The following AGBL4 variants were observed in gnomAD, a reference collection of about 807,000 sequenced individuals.
AGBL4 encodes the protein cytosolic carboxypeptidase 6.
A neutral mutation model predicts 66.4 loss-of-function variants in AGBL4; 58 were observed. The observed-to-expected ratio is 0.87, with a 90% CI of 0.71 to 1.09. The LOEUF (loss-of-function observed/expected upper bound fraction) is 1.09, where lower values mean the gene tolerates loss of function less well. Among genes scored for constraint, AGBL4 ranks in the 50% least tolerant of loss-of-function variants. The probability of loss-of-function intolerance (pLI) is 0.00; values close to 1 mark genes in which losing one functional copy is unlikely to be tolerated. For missense variants in AGBL4, 579 were observed against 631.0 expected (o/e 0.92, Z 0.88); for synonymous variants, 234 against 222.9 (o/e 1.05, Z -0.44).
intron 6 of AGBL4, among the ~76,000 whole-genome samples, chr1:48,811,187 TG>T (rs1197906954): frequency 4.3e-5 from 1 of 23,500 alleles, no homozygotes; most frequent in Non-Finnish European, 9.0e-5. Context: ...TGGGTGGGGG[TG>T]GGGGTGGTGG....
chr1:48,525,884 C>T, the AGBL4 span, among the ~76,000 whole-genome samples: 2 of 152,130 alleles, frequency 1.3e-5, no homozygotes, highest in Non-Finnish European at 2.9e-5. Context: ...GACATAGCAC[C>T]CTCTTTATAA....
intron 3 of AGBL4, among the ~76,000 whole-genome samples, chr1:49,561,403 C>T (rs1449008808): frequency 6.6e-6 from 1 of 151,620 alleles, no homozygotes; most frequent in Non-Finnish European, 1.5e-5. Flanking sequence ...GTGTGCTGCA[C>T]CCATTGACTC....
chr1:48,997,135 C>G (rs1661079717), intron 5 of AGBL4, among the ~76,000 whole-genome samples: 1 of 152,102 alleles, frequency 6.6e-6, no homozygotes, highest in Non-Finnish European at 1.5e-5. Context: ...GTTGGCCAGG[C>G]TGGTCTTGAA....
chr1:49,974,260 T>C (rs1658379278), intron 1 of AGBL4, among the ~76,000 whole-genome samples: 1 of 152,000 alleles, frequency 6.6e-6, no homozygotes, highest in African/African-American at 2.4e-5. Flanking sequence ...ATGAGAGTGA[T>C]TTATGAGAAA....
intron 2 of AGBL4, among the ~76,000 whole-genome samples, chr1:49,737,082 G>A (rs1402772035): frequency 6.6e-6 from 1 of 152,106 alleles, no homozygotes. Context: ...TATGCTGTTG[G>A]TGAAAATGTA....
chr1:49,155,738 A>G (rs1200400525), intron 4 of AGBL4, among the ~76,000 whole-genome samples: 3 of 152,190 alleles, frequency 2.0e-5, no homozygotes, highest in African/African-American at 4.8e-5. Context: ...TGGCCATGAC[A>G]GGAAACTCAC....
At chr1:48,677,051 C>A (rs1005956500) in intron 6 of AGBL4, among the ~76,000 whole-genome samples, 1 of 152,166 alleles carries the variant, frequency 6.6e-6, no homozygotes, top group Admixed American at 6.5e-5. Flanking sequence ...CAGTCCCCTC[C>A]AGTTCTAAAA....
chr1:49,672,727 C>T (rs1646501917), intron 3 of AGBL4, among the ~76,000 whole-genome samples: 2 of 151,584 alleles, frequency 1.3e-5, no homozygotes, highest in South Asian at 2.1e-4. Context: ...TCAAGACCAG[C>T]CCGGCCAACA....
At chr1:49,540,999 T>C (rs1276683848) in intron 3 of AGBL4, among the ~76,000 whole-genome samples, 1 of 152,234 alleles carries the variant, frequency 6.6e-6, no homozygotes. Context: ...TTATTCTACC[T>C]GTCTAAAATA....
At chr1:49,842,942 T>C (rs1490793125) in intron 2 of AGBL4, among the ~76,000 whole-genome samples, 1 of 152,142 alleles carries the variant, frequency 6.6e-6, no homozygotes, top group East Asian at 1.9e-4. Context: ...TAATTGTTTA[T>C]AATTCATATG....
chr1:49,492,100 T>G (rs74078139), intron 3 of AGBL4, among the ~76,000 whole-genome samples: 274 of 152,014 alleles, frequency 1.8e-3, no homozygotes, highest in African/African-American at 6.4e-3. Flanking sequence ...AGATGATACA[T>G]GCCTACCTAA....
chr1:49,498,143 A>T (rs1647783002), intron 3 of AGBL4, among the ~76,000 whole-genome samples: 1 of 151,818 alleles, frequency 6.6e-6, no homozygotes, highest in Non-Finnish European at 1.5e-5. Flanking sequence ...GTTGTAAAAG[A>T]GATTGTTTCT....
At chr1:48,530,478 T>C (rs970836629), downstream of AGBL4, among the ~76,000 whole-genome samples, 2 of 152,098 alleles carry the variant, frequency 1.3e-5, no homozygotes, top group African/African-American at 4.8e-5. Context: ...GTCAGTTGAG[T>C]TACAGTGAAA....
At chr1:48,841,837 G>T (rs1206305407) in intron 6 of AGBL4, among the ~76,000 whole-genome samples, 1 of 151,882 alleles carries the variant, frequency 6.6e-6, no homozygotes, top group East Asian at 1.9e-4. Context: ...AAAATCTGTG[G>T]CAATTAATTT....
At chr1:49,906,490 TA>T (rs917626787) in intron 1 of AGBL4, among the ~76,000 whole-genome samples, 1 of 151,984 alleles carries the variant, frequency 6.6e-6, no homozygotes, top group Admixed American at 6.6e-5. Flanking sequence ...ACTGATTTAA[TA>T]AAAAAATCAC....
intron 3 of AGBL4, among the ~76,000 whole-genome samples, chr1:49,478,602 C>T (rs1486031457): frequency 4.0e-5 from 6 of 151,870 alleles, no homozygotes; most frequent in South Asian, 4.1e-4. Flanking sequence ...GGGATTACTT[C>T]AGTCAGAAAA....
At chr1:49,981,463 C>T (rs1330289909) in intron 1 of AGBL4, among the ~76,000 whole-genome samples, 1 of 152,034 alleles carries the variant, frequency 6.6e-6, no homozygotes, top group Non-Finnish European at 1.5e-5. Flanking sequence ...AACTAAACAA[C>T]TATGGATTCA....
chr1:49,271,698 T>G (rs1420335222), intron 3 of AGBL4, among the ~76,000 whole-genome samples: 1 of 152,154 alleles, frequency 6.6e-6, no homozygotes, highest in African/African-American at 2.4e-5. Context: ...TACCATTTAC[T>G]TTTATTCCTC....
intron 1 of AGBL4, among the ~76,000 whole-genome samples, chr1:49,952,912 A>T (rs1331206127): frequency 6.6e-6 from 1 of 151,984 alleles, no homozygotes; most frequent in Non-Finnish European, 1.5e-5. Flanking sequence ...TACTTTTACT[A>T]CATTATTTTT....
Sources: allele counts gnomAD v4.1 joint callset (sites outside exome capture counted in the v4.1 genomes callset), GRCh38; gene constraint gnomAD v4.1.1; transcripts MANE v1.5; gene names NCBI Gene and HGNC (gene_info 2026-07-23, HGNC 2026-07-21).